The following PARD3 variants were observed in gnomAD, a reference collection of about 807,000 sequenced individuals.
The protein encoded by PARD3 is partitioning defective 3 homolog.
In PARD3, 75 loss-of-function variants were observed where a neutral mutation model predicts 155.4. The ratio of observed to expected loss-of-function variants is 0.48; its 90% CI spans 0.40 to 0.58. The LOEUF is 0.58. Ranked by LOEUF, PARD3 falls within the 20% of genes least tolerant of loss-of-function variation. The probability of loss-of-function intolerance (pLI) is 0.00; values close to 1 mark genes in which losing one functional copy is unlikely to be tolerated. For synonymous variants in PARD3, 576 were observed against 610.5 expected (o/e 0.94, Z 0.83); for missense variants, 1,642 against 1,721.7 (o/e 0.95, Z 0.82).
intron 22 of PARD3, among the ~76,000 whole-genome samples, chr10:34,205,540 G>GT (rs1951432562): frequency 1.3e-5 from 2 of 152,120 alleles, no homozygotes; most frequent in East Asian, 3.9e-4. Context: ...TATGAGTGCG[G>GT]TAAGGTGTCA....
At chr10:34,773,886 TAG>T (rs1839209235) in intron 1 of PARD3, among the ~76,000 whole-genome samples, 1 of 152,174 alleles carries the variant, frequency 6.6e-6, no homozygotes, top group African/African-American at 2.4e-5. Context: ...GAAAGAATAA[TAG>T]AGACTTAATT....
chr10:34,516,702 T>G (rs1041459705), intron 3 of PARD3, among the ~76,000 whole-genome samples: 6 of 152,236 alleles, frequency 3.9e-5, no homozygotes, highest in African/African-American at 1.2e-4. Flanking sequence ...GATAAACATA[T>G]GGAAAGGAAA....
At chr10:34,748,492 AAAAG>A (rs1164316917) in intron 1 of PARD3, among the ~76,000 whole-genome samples, 3 of 151,994 alleles carry the variant, frequency 2.0e-5, no homozygotes, top group Non-Finnish European at 4.4e-5. Context: ...AAGAAAAAGA[AAAAG>A]AAAGGAAAGG....
intron 22 of PARD3, among the ~76,000 whole-genome samples, chr10:34,214,021 G>T (rs545933051): frequency 6.6e-6 from 1 of 152,022 alleles, no homozygotes; most frequent in Non-Finnish European, 1.5e-5. Flanking sequence ...TCAGCCTCCT[G>T]AGTAGCTGGA....
intron 2 of PARD3, among the ~76,000 whole-genome samples, chr10:34,569,510 C>T (rs886997778): frequency 1.3e-4 from 20 of 152,018 alleles, no homozygotes; most frequent in Non-Finnish European, 2.1e-4. Flanking sequence ...CTCTGCCTCC[C>T]GGGTTCATGC....
chr10:34,265,328 C>T (rs1227877365), intron 22 of PARD3, among the ~76,000 whole-genome samples: 1 of 152,150 alleles, frequency 6.6e-6, no homozygotes, highest in Non-Finnish European at 1.5e-5. Context: ...CATTTTGATG[C>T]CAAATTCACC....
chr10:34,440,654 C>A (rs1009681556), intron 5 of PARD3, among the ~76,000 whole-genome samples: 3 of 152,070 alleles, frequency 2.0e-5, no homozygotes, highest in African/African-American at 7.2e-5. Context: ...TAACTTACTT[C>A]CCCGCTGCTT....
intron 15 of PARD3, 44 bp from the exon 16 acceptor site, chr10:34,341,860 C>A: frequency 1.7e-6 from 2 of 1,175,766 alleles, no homozygotes; most frequent in South Asian, 2.8e-5. Context: ...AGACATCGAT[C>A]AAAGTGTTAC....
At chr10:34,657,691 ACCACG>A (rs1232402213) in intron 2 of PARD3, among the ~76,000 whole-genome samples, 1 of 152,088 alleles carries the variant, frequency 6.6e-6, no homozygotes, top group Non-Finnish European at 1.5e-5. Flanking sequence ...GGCACACGCC[ACCACG>A]CCTGGCTAAT....
chr10:34,148,889 A>G (rs1413822382), intron 22 of PARD3, among the ~76,000 whole-genome samples: 1 of 152,126 alleles, frequency 6.6e-6, no homozygotes, highest in Non-Finnish European at 1.5e-5. Flanking sequence ...TTTTTAATGA[A>G]TATGGTCTGA....
chr10:34,360,124 C>A lies in PARD3; in HGVS notation c.1843G>T (p.Ala615Ser), dbSNP rs774764458. The change falls in exon 13 of 25, where the codon GCA becomes TCA. Residue 615 changes from alanine to serine, a missense_variant. Ala to Ser is a moderately conservative substitution (Grantham distance 99). Coordinates refer to ENST00000374788, the MANE Select transcript of PARD3 (RefSeq NM_001184785.2). ...GACTTGACAAAGATTCCCAAATCTG[C>A]GTGGTTCTCTTTTGACCGGTTACCT... Reference protein sequence around the residue: ...VKGNRSKENHADLGIFVKSII... With the variant: ...VKGNRSKENHSDLGIFVKSII... The A allele has an allele frequency of 6.2e-7, 1 of 1,613,962 alleles. No individual in the cohort carries two copies. The highest frequency in any genetic ancestry group is 2.2e-5 in the East Asian group (1 of 44,892).
intron 1 of PARD3, among the ~76,000 whole-genome samples, chr10:34,771,812 C>G (rs916420560): frequency 6.6e-6 from 1 of 152,154 alleles, no homozygotes; most frequent in East Asian, 1.9e-4. Context: ...AGTTTTTCAA[C>G]AGAGTGAGCT....
chr10:34,449,549 T>C (rs2076943675), intron 5 of PARD3, among the ~76,000 whole-genome samples: 2 of 150,010 alleles, frequency 1.3e-5, no homozygotes, highest in Non-Finnish European at 2.9e-5. Flanking sequence ...CATGTATACA[T>C]ATGTAACAAA....
intron 20 of PARD3, among the ~76,000 whole-genome samples, chr10:34,290,590 C>A (rs1422595117): frequency 1.3e-5 from 2 of 152,188 alleles, no homozygotes; most frequent in Non-Finnish European, 2.9e-5. Context: ...CCTGCCCTGG[C>A]GTGGTCAATA....
intron 22 of PARD3, among the ~76,000 whole-genome samples, chr10:34,220,490 C>T (rs1260027134): frequency 6.6e-6 from 1 of 152,182 alleles, no homozygotes; most frequent in Non-Finnish European, 1.5e-5. Context: ...ATTTTGTGCT[C>T]AAACAAGAGC....
At chr10:34,666,021 T>C (rs1049545520) in intron 2 of PARD3, among the ~76,000 whole-genome samples, 1 of 151,670 alleles carries the variant, frequency 6.6e-6, no homozygotes, top group Non-Finnish European at 1.5e-5. Context: ...TGAGATCAGC[T>C]TGACAACCAA....
At chr10:34,373,357 G>A (rs1840890162) in intron 11 of PARD3, among the ~76,000 whole-genome samples, 1 of 151,900 alleles carries the variant, frequency 6.6e-6, no homozygotes, top group Non-Finnish European at 1.5e-5. Flanking sequence ...GATCAAAATT[G>A]GACAAGAAGA....
chr10:34,156,604 C>CG (rs754687429), intron 22 of PARD3, among the ~76,000 whole-genome samples: 1 of 152,180 alleles, frequency 6.6e-6, no homozygotes, highest in Non-Finnish European at 1.5e-5. Flanking sequence ...CAAGAAAACT[C>CG]GGAAGCGATG....
intron 3 of PARD3, among the ~76,000 whole-genome samples, chr10:34,483,504 G>GA (rs199616773): frequency 0.017 from 2,188 of 130,386 alleles, 89 homozygotes; most frequent in African/African-American, 0.087. Flanking sequence ...AAAAAAGAGA[G>GA]AGAAAAAAAA....
Sources: allele counts gnomAD v4.1 joint callset (sites outside exome capture counted in the v4.1 genomes callset), GRCh38; gene constraint gnomAD v4.1.1; transcripts MANE v1.5; gene names NCBI Gene and HGNC (gene_info 2026-07-23, HGNC 2026-07-21).